Variants in SNX4 observed in about 807,000 individuals in gnomAD.
The protein encoded by SNX4 is sorting nexin 4, also known as sorting nexin-4.
A neutral mutation model predicts 70.8 loss-of-function variants in SNX4; 49 were observed. The ratio of observed to expected loss-of-function variants is 0.69; its 90% CI spans 0.55 to 0.88. The LOEUF is 0.88. Among genes scored for constraint, SNX4 ranks in the 40% least tolerant of loss-of-function variants. The probability of loss-of-function intolerance (pLI) is 0.00; values close to 1 mark genes in which losing one functional copy is unlikely to be tolerated. For missense variants in SNX4, 528 were observed against 544.8 expected (o/e 0.97, Z 0.31); for synonymous variants, 206 against 183.8 (o/e 1.12, Z -0.98).
chr3:125,509,522 C>G (rs1389103846), intron 1 of SNX4, among the ~76,000 whole-genome samples: 2 of 151,840 alleles, frequency 1.3e-5, no homozygotes, highest in African/African-American at 4.8e-5. Flanking sequence ...GAGGCCAAGG[C>G]GGGTGGATCA....
chr3:125,517,452 G>C (rs1028488526), intron 1 of SNX4, among the ~76,000 whole-genome samples: 1 of 152,192 alleles, frequency 6.6e-6, no homozygotes, highest in South Asian at 2.1e-4. Flanking sequence ...AAACATTACA[G>C]TAATTTTCAA....
chr3:125,496,493 A>G (rs1456037931), intron 5 of SNX4, among the ~76,000 whole-genome samples: 1 of 152,108 alleles, frequency 6.6e-6, no homozygotes, highest in Non-Finnish European at 1.5e-5. Context: ...TAGACATATT[A>G]TATTGAACTT....
chr3:125,468,859 A>C (rs1238127918), intron 9 of SNX4, among the ~76,000 whole-genome samples: 19 of 152,114 alleles, frequency 1.2e-4, no homozygotes, highest in African/African-American at 4.3e-4. Context: ...TTTAAAAAAA[A>C]AAAAAAAAAA....
intron 2 of SNX4, among the ~76,000 whole-genome samples, chr3:125,503,038 G>A (rs747550466): frequency 1.7e-4 from 26 of 151,388 alleles, no homozygotes; most frequent in South Asian, 4.2e-4. Context: ...TCCTGCCTCA[G>A]CCTCCCGAGT....
At chr3:125,474,046 A>T (rs1306154886) in intron 8 of SNX4, among the ~76,000 whole-genome samples, 1 of 152,122 alleles carries the variant, frequency 6.6e-6, no homozygotes, top group Non-Finnish European at 1.5e-5. Flanking sequence ...TCATCCCTCA[A>T]ACCCACCATT....
intron 9 of SNX4, among the ~76,000 whole-genome samples, chr3:125,463,903 T>G (rs1339678939): frequency 6.6e-6 from 1 of 151,994 alleles, no homozygotes; most frequent in Non-Finnish European, 1.5e-5. Flanking sequence ...GTCTTAATAG[T>G]GTCGCTTTTT....
chr3:125,498,830 T>C (rs546551978), intron 2 of SNX4, among the ~76,000 whole-genome samples: 3 of 152,220 alleles, frequency 2.0e-5, no homozygotes, highest in Non-Finnish European at 2.9e-5. Context: ...GCATAAATAA[T>C]TGATTTTATA....
At chr3:125,518,801 G>T (rs958088565) in intron 1 of SNX4, among the ~76,000 whole-genome samples, 4 of 151,528 alleles carry the variant, frequency 2.6e-5, no homozygotes, top group African/African-American at 9.7e-5. Flanking sequence ...TCAGAAGTTC[G>T]AGACCAGCCT....
intron 10 of SNX4, among the ~76,000 whole-genome samples, chr3:125,460,562 T>G (rs960739720): frequency 3.3e-5 from 5 of 152,160 alleles, no homozygotes; most frequent in African/African-American, 1.2e-4. Context: ...GGCTGGCAGG[T>G]TTTATCAAAA....
At chr3:125,498,237 A>G (rs1164197338) in intron 2 of SNX4, 43 bp from the exon 3 acceptor site, 1 of 1,524,430 alleles carries the variant, frequency 6.6e-7, no homozygotes, top group African/African-American at 1.4e-5. Flanking sequence ...TTATAAACAA[A>G]AATACATACA....
At chr3:125,447,951 C>A in intron 13 of SNX4, 125 bp from the exon 14 acceptor site, 1 of 579,904 alleles carries the variant, frequency 1.7e-6, no homozygotes, top group East Asian at 3.0e-5. Flanking sequence ...AAATATGACA[C>A]TATTTTGGGA....
intron 1 of SNX4, among the ~76,000 whole-genome samples, chr3:125,510,396 T>C (rs1393252098): frequency 1.1e-4 from 16 of 151,642 alleles, no homozygotes; most frequent in Non-Finnish European, 1.5e-5. Flanking sequence ...CGCCCGGCTA[T>C]TTTTTTGTAT....
chr3:125,491,198 T>C (rs1437826327), intron 5 of SNX4, among the ~76,000 whole-genome samples: 4 of 152,118 alleles, frequency 2.6e-5, no homozygotes, highest in Non-Finnish European at 5.9e-5. Flanking sequence ...TGGATCCTTC[T>C]TACATCTCAA....
intron 2 of SNX4, among the ~76,000 whole-genome samples, chr3:125,501,730 T>C (rs900709935): frequency 3.9e-5 from 6 of 152,186 alleles, no homozygotes; most frequent in African/African-American, 1.2e-4. Flanking sequence ...GTTTAACCAA[T>C]TTTTCAAGTA....
chr3:125,512,565 A>G (rs1465909816), intron 1 of SNX4, among the ~76,000 whole-genome samples: 1 of 152,232 alleles, frequency 6.6e-6, no homozygotes, highest in African/African-American at 2.4e-5. Context: ...CATAATTGTT[A>G]AAAGGACACA....
intron 9 of SNX4, among the ~76,000 whole-genome samples, chr3:125,464,179 T>A (rs1933951775): frequency 6.6e-6 from 1 of 152,216 alleles, no homozygotes; most frequent in Non-Finnish European, 1.5e-5. Context: ...CCCACCTCCA[T>A]AATTTTCTCA....
rs1436200291 is a variant in SNX4, at chr3:125,457,289, G to C, written c.1021C>G (p.Gln341Glu). 16 of 1,613,582 alleles carry C rather than the reference G, an allele frequency of 9.9e-6. No homozygotes were observed. The Admixed American group carries it at 2.7e-4, about 27-fold the overall frequency. The change falls in exon 11 of 14, where the codon CAG (glutamine) becomes GAG (glutamate). Residue 341 changes from glutamine (Q) to glutamate (E), a missense_variant. Around this residue, in one of 3 missense-constraint regions of SNX4, gnomAD observed 159 missense variants for 172.6 expected, o/e 0.92. Transcript: ENST00000251775. The part of the protein sequence containing the change: ...AAQDLASKKQ[Q>E]CEELVTGTVR... ...ACCCCAGTTACCAGTTCCTCACACTGCTGCTTCTTGGATGCTAAGTCCTGA... is the reference window on the plus strand; with the variant it reads ...ACCCCAGTTACCAGTTCCTCACACTCCTGCTTCTTGGATGCTAAGTCCTGA...
intron 5 of SNX4, among the ~76,000 whole-genome samples, chr3:125,496,672 T>C (rs1187897067): frequency 6.6e-6 from 1 of 152,200 alleles, no homozygotes; most frequent in Non-Finnish European, 1.5e-5. Context: ...AACAGCAGCA[T>C]AGAACTCAAG....
chr3:125,466,993 G>C (rs777938410), intron 9 of SNX4, among the ~76,000 whole-genome samples: 1 of 148,326 alleles, frequency 6.7e-6, no homozygotes. Context: ...TGAGGCAGAA[G>C]AATCACTTGA....
Sources: allele counts gnomAD v4.1 joint callset (sites outside exome capture counted in the v4.1 genomes callset), GRCh38; gene constraint gnomAD v4.1.1; regional missense constraint gnomAD v4.1.1; transcripts MANE v1.5; gene names NCBI Gene and HGNC (gene_info 2026-07-23, HGNC 2026-07-21).